The following TLE2 variants were observed in gnomAD, a reference collection of about 807,000 sequenced individuals.
TLE2 encodes transducin-like enhancer protein 2.
Under a neutral mutation model 97.2 loss-of-function variants are expected in TLE2, and 74 were observed. The observed-to-expected ratio is 0.76, with a 90% confidence interval of 0.63 to 0.92. TLE2 has a LOEUF of 0.92. TLE2 is among the 40% of genes least tolerant of loss of function. The probability of loss-of-function intolerance (pLI) is 0.00; values close to 1 mark genes in which losing one functional copy is unlikely to be tolerated. For missense variants in TLE2, 1,038 were observed against 1,008.7 expected (o/e 1.03, Z -0.39); for synonymous variants, 499 against 432.1 (o/e 1.15, Z -1.92).
At chr19:3,023,412 T>C (rs929007879) in intron 5 of TLE2, among the ~76,000 whole-genome samples, 1 of 152,162 alleles carries the variant, frequency 6.6e-6, no homozygotes, top group African/African-American at 2.4e-5. Context: ...CTCTTTATGT[T>C]CTGTGTCTAC....
chr19:3,040,793 C>G (rs1006196329), intron 1 of TLE2, among the ~76,000 whole-genome samples: 1 of 151,686 alleles, frequency 6.6e-6, no homozygotes, highest in African/African-American at 2.4e-5. Flanking sequence ...TGCACCACCA[C>G]GCCTGGCTCA....
In TLE2 at chr19:3,019,370, C is replaced by G. The variant is rs988943716; in HGVS notation, c.463G>C (p.Ala155Pro). 1.6e-5 allele frequency: 25 copies of G among 1,555,592 alleles called. No individual in the cohort carries two copies. The highest frequency in any genetic ancestry group is 2.1e-5 in the Non-Finnish European group (24 of 1,157,802). Residue 155 changes from alanine (A) to proline (P), a missense_variant, in exon 7 of 20, where the codon GCT becomes CCT. Ala to Pro is a conservative substitution (Grantham distance 27). Coordinates refer to ENST00000262953, the MANE Select transcript of TLE2 (RefSeq NM_003260.5). The surrounding 1 kb of genome is among the most constrained non-coding windows in gnomAD (Gnocchi z 5.1). Reference protein sequence around the residue: ...LVGGSATGLLALSGALAAQAQ... With the variant: ...LVGGSATGLLPLSGALAAQAQ... ...TGGGCAGCCAGGGCTCCAGACAGAG[C>G]AAGCAGCCCCGTAGCACTGCCGCCC...
Position 3,023,690 on chromosome 19 carries a change from C to T in TLE2, c.294+1330G>A, listed in dbSNP as rs149952293. Reference sequence around the variant, plus strand: ...GGCGGATTGCTTGAGTCCGGGGGTTCGAGACCAGCCCGGGCAACATAGGGA... The same window carrying T: ...GGCGGATTGCTTGAGTCCGGGGGTTTGAGACCAGCCCGGGCAACATAGGGA... On this transcript the variant is annotated intron_variant, in intron 5 of 19. Transcript: ENST00000262953. Among the ~76,000 whole-genome samples, 389 of 151,934 alleles carry T rather than the reference C, an allele frequency of 2.6e-3. 6 individuals are homozygous for T. The East Asian group carries it at 0.03, about 12-fold the overall frequency.
At chr19:3,029,362 A>C (rs1236513159), upstream of TLE2, among the ~76,000 whole-genome samples, 3 of 114,470 alleles carry the variant, frequency 2.6e-5, no homozygotes, top group East Asian at 2.9e-4. Flanking sequence ...ACCCCCGCGC[A>C]CCGCCCCTCC....
intron 1 of TLE2, among the ~76,000 whole-genome samples, chr19:3,035,506 G>A (rs1192186573): frequency 5.3e-5 from 8 of 151,990 alleles, no homozygotes; most frequent in Non-Finnish European, 1.0e-4. Flanking sequence ...TCCTGGCTAG[G>A]GTTTTACGTT....
chr19:3,015,848 C>A, intron 8 of TLE2, 88 bp from the exon 9 acceptor site: 1 of 997,450 alleles, frequency 1.0e-6, no homozygotes, highest in Non-Finnish European at 1.5e-6. Context: ...TGAGGGTCCC[C>A]CACCATTATT....
In TLE2 at chr19:3,006,683, C is replaced by T. The variant is rs369964436; in HGVS notation, c.1251-14G>A. 5.7e-6 allele frequency: 9 copies of T among 1,573,958 alleles called. No homozygotes were observed. The South Asian group carries it at 9.5e-5, about 17-fold the overall frequency. ...AAGGAGTAGGCCCTGGAGAGAAAGC[C>T]GGGGCATGACCCAGCCCTGGGCACC... On this transcript the variant is annotated splice_polypyrimidine_tract_variant and intron_variant, in intron 14 of 19. Transcript: ENST00000262953.
At chr19:3,012,314 C>T (rs113721439) in intron 11 of TLE2, among the ~76,000 whole-genome samples, 3,916 of 152,150 alleles carry the variant, frequency 0.026, 64 homozygotes, top group Non-Finnish European at 0.032. Flanking sequence ...CTCCCATGCT[C>T]GAGTGATCCT....
chr19:3,024,966 C>A, intron 5 of TLE2, 54 bp downstream of exon 5: 1 of 1,487,782 alleles, frequency 6.7e-7, no homozygotes, highest in South Asian at 1.2e-5. Context: ...CCTACCCCCT[C>A]CCGTCTTCTT....
intron 1 of TLE2, among the ~76,000 whole-genome samples, chr19:3,036,914 G>A (rs915962389): frequency 6.6e-6 from 1 of 152,162 alleles, no homozygotes; most frequent in African/African-American, 2.4e-5. Flanking sequence ...GGGTGGGAGT[G>A]GGGGCAGGCT....
In TLE2 at chr19:3,013,796, C is replaced by T. The variant is rs2089645584; in HGVS notation, c.746G>A (p.Ser249Asn). 6.5e-7 allele frequency: 1 copy of T among 1,549,814 alleles called. No homozygotes were observed. Among genetic ancestry groups the T allele is most frequent in the African/African-American group, 1.4e-5 (1 of 70,756 alleles). ...VDEDQPSEPPSPATTPCGKVP... is the reference protein window; with the variant it reads ...VDEDQPSEPPNPATTPCGKVP... The stretch of plus-strand genomic sequence containing the variant: ...CTTTCCGCAGGGGGTGGTAGCCGGG[C>T]TGGGGGGCTCTGAGGGTTGGTCCTG... Residue 249 changes from serine to asparagine, a missense_variant, in exon 11 of 20, where the codon AGC (serine) becomes AAC (asparagine). Ser to Asn is a conservative substitution (Grantham distance 46). Transcript: ENST00000262953.
At chr19:3,043,223 C>A (rs1267648532) in intron 1 of TLE2, among the ~76,000 whole-genome samples, 1 of 152,060 alleles carries the variant, frequency 6.6e-6, no homozygotes, top group Non-Finnish European at 1.5e-5. Flanking sequence ...TCAAGCAATC[C>A]TCCCGCCTCA....
intron 1 of TLE2, among the ~76,000 whole-genome samples, chr19:3,034,479 C>G (rs1029358102): frequency 1.1e-4 from 16 of 151,800 alleles, no homozygotes; most frequent in African/African-American, 3.9e-4. Flanking sequence ...CCTCCAGCCA[C>G]CCTGGCCAGA....
chr19:3,020,111 C>T, intron 5 of TLE2: 1 of 290,570 alleles, frequency 3.4e-6, no homozygotes, highest in South Asian at 4.7e-5. Context: ...GGTGAAACAC[C>T]TGTAATCCCA....
Position 3,025,365 on chromosome 19 carries a change from G to T in TLE2, c.232-283C>A, listed in dbSNP as rs575287410. 3.2e-5 allele frequency: 39 copies of T among 1,219,148 alleles called. 1 individual carries two copies. In the African/African-American group the frequency reaches 3.9e-4, roughly 12 times the overall value. The allele number at this position is 1,219,148 out of a possible 1,614,324, so 75.5% of individuals were successfully genotyped here. ...TACACCACCCGCCAGACGCACACCCGCCAGGGATTTGCAGGAGGCAGACGC... is the reference window on the plus strand; with the variant it reads ...TACACCACCCGCCAGACGCACACCCTCCAGGGATTTGCAGGAGGCAGACGC... On this transcript the variant is annotated intron_variant, in intron 4 of 19. Transcript: ENST00000262953.
chr19:3,022,986 C>T (rs559206749), intron 5 of TLE2, among the ~76,000 whole-genome samples: 6 of 151,910 alleles, frequency 3.9e-5, no homozygotes, highest in Non-Finnish European at 5.9e-5. Context: ...AGCTGGCCCT[C>T]GAGCTGCAGT....
At chr19:2,998,065 C>G (rs2089256017) in intron 19 of TLE2, 110 bp from the exon 20 acceptor site, 1 of 697,948 alleles carries the variant, frequency 1.4e-6, no homozygotes, top group Non-Finnish European at 2.5e-6. Flanking sequence ...GACTCGCCTA[C>G]AGAGTGACGT....
chr19:3,013,012 C>G (rs1005025068), intron 11 of TLE2, among the ~76,000 whole-genome samples: 2 of 152,146 alleles, frequency 1.3e-5, no homozygotes, highest in Non-Finnish European at 2.9e-5. Flanking sequence ...GGAGCCCCAA[C>G]CTCTGGCGGT....
chr19:3,042,738 T>C (rs1341917517), intron 1 of TLE2, among the ~76,000 whole-genome samples: 1 of 152,088 alleles, frequency 6.6e-6, no homozygotes, highest in Non-Finnish European at 1.5e-5. Flanking sequence ...AGATCCTATG[T>C]AGAAGCTGTT....
Sources: allele counts gnomAD v4.1 joint callset (sites outside exome capture counted in the v4.1 genomes callset), GRCh38; gene constraint gnomAD v4.1.1; non-coding constraint Gnocchi (gnomAD v3.1); transcripts MANE v1.5; gene names NCBI Gene and HGNC (gene_info 2026-07-23, HGNC 2026-07-21).